Variants in ADAMTSL1 observed in about 807,000 individuals in gnomAD.
The protein encoded by ADAMTSL1 is ADAMTS-like protein 1.
Under a neutral mutation model 201.8 loss-of-function variants are expected in ADAMTSL1, and 126 were observed. The ratio of observed to expected loss-of-function variants is 0.62; its 90% CI spans 0.54 to 0.72. ADAMTSL1 has a LOEUF of 0.72. ADAMTSL1 is among the 30% of genes least tolerant of loss of function. The probability of loss-of-function intolerance (pLI) is 0.00; values close to 1 mark genes in which losing one functional copy is unlikely to be tolerated. For missense variants in ADAMTSL1, 2,679 were observed against 2,277.8 expected, an observed-to-expected ratio of 1.18 and a Z score of -3.59; for synonymous variants, 1,121 against 903.4, an observed-to-expected ratio of 1.24 and a Z score of -4.32.
rs567371462 is a variant in ADAMTSL1, at chr9:18,788,639, A to C, written c.3678-6758A>C. On this transcript the variant is annotated intron_variant, in intron 19 of 28. Coordinates refer to ENST00000380548, the MANE Select transcript of ADAMTSL1 (RefSeq NM_001040272.6). ...TATACATTTGCCTATAAATACTAGC[A>C]CCCGCTCCCGCTTTGTGGTAGATTC... 2.0e-5 allele frequency among the ~76,000 whole-genome samples: 3 copies of C among 152,126 alleles called. No homozygotes were observed. The South Asian group carries it at 6.2e-4, about 32-fold the overall frequency.
At position 18,347,701 on chromosome 9, in the gene ADAMTSL1, T is replaced by A. The variant is rs147703764; in HGVS notation, c.208-157128T>A. ...GCATGTCCTAGAATATTGAACTATT[T>A]GGGGTTTTCAGGCCTTTTTGCTCAT... On this transcript the variant is annotated intron_variant, in intron 2 of 29. Coordinates refer to the ADAMTSL1 transcript ENST00000680146. Among the ~76,000 whole-genome samples, 881 of 152,280 alleles carry A rather than the reference T, an allele frequency of 5.8e-3. 6 individuals are homozygous for A. Among genetic ancestry groups the A allele is most frequent in the African/African-American group, 0.02 (842 of 41,566 alleles).
At chr9:18,789,530 GTATT>G (rs1316778225) in intron 19 of ADAMTSL1, among the ~76,000 whole-genome samples, 1 of 152,126 alleles carries the variant, frequency 6.6e-6, no homozygotes, top group African/African-American at 2.4e-5. Context: ...AACCAAATGA[GTATT>G]TATTATGTAT....
intron 4 of ADAMTSL1, among the ~76,000 whole-genome samples, chr9:18,575,434 C>G (rs1233688150): frequency 6.6e-6 from 1 of 152,078 alleles, no homozygotes; most frequent in Non-Finnish European, 1.5e-5. Flanking sequence ...TGGAATTTTA[C>G]TATTTTAAAG....
chr9:18,037,519 G>T (rs1821251630), intron 1 of ADAMTSL1, among the ~76,000 whole-genome samples: 1 of 152,024 alleles, frequency 6.6e-6, no homozygotes. Context: ...ACTTCTTTCT[G>T]TAGTATATTA....
chr9:18,351,983 G>T (rs1397472501), intron 2 of ADAMTSL1, among the ~76,000 whole-genome samples: 2 of 152,118 alleles, frequency 1.3e-5, no homozygotes, highest in Non-Finnish European at 2.9e-5. Flanking sequence ...TCCGTAATTT[G>T]TAGCTTCTTT....
chr9:18,890,833 C>T (rs1829211643), intron 25 of ADAMTSL1: 2 of 314,950 alleles, frequency 6.4e-6, no homozygotes, highest in Non-Finnish European at 1.2e-5. Context: ...GAAAACTGCC[C>T]TTGCCAAGCT....
At chr9:18,361,350 T>C (rs1299728374) in intron 2 of ADAMTSL1, among the ~76,000 whole-genome samples, 1 of 152,354 alleles carries the variant, frequency 6.6e-6, no homozygotes, top group African/African-American at 2.4e-5. Context: ...TGTATTTCTT[T>C]TTAGTGTATT....
chr9:18,105,865 GC>G (rs1299090685), intron 1 of ADAMTSL1, among the ~76,000 whole-genome samples: 1 of 152,070 alleles, frequency 6.6e-6, no homozygotes, highest in Non-Finnish European at 1.5e-5. Flanking sequence ...AAAAACACAG[GC>G]CCACTGCACC....
chr9:18,099,286 G>A (rs186888527), intron 1 of ADAMTSL1, among the ~76,000 whole-genome samples: 5 of 135,590 alleles, frequency 3.7e-5, no homozygotes, highest in African/African-American at 8.4e-5. Flanking sequence ...TTTCTTTCCC[G>A]AGTAAGTCAC....
At chr9:18,638,611 GT>G (rs201577404) in intron 6 of ADAMTSL1, among the ~76,000 whole-genome samples, 44 of 151,828 alleles carry the variant, frequency 2.9e-4, no homozygotes, top group African/African-American at 9.7e-4. Flanking sequence ...AGAAATCAAG[GT>G]TTTTTTTCTA....
chr9:18,824,106 GTTC>G (rs1265494901), intron 21 of ADAMTSL1, among the ~76,000 whole-genome samples: 7 of 152,086 alleles, frequency 4.6e-5, no homozygotes, highest in African/African-American at 1.7e-4. Flanking sequence ...ATTTTTCCTT[GTTC>G]TTTCAGGAGA....
intron 2 of ADAMTSL1, among the ~76,000 whole-genome samples, chr9:18,382,623 AT>A (rs1837604581): frequency 6.6e-6 from 1 of 152,138 alleles, no homozygotes; most frequent in South Asian, 2.1e-4. Context: ...CAAAGGAGCC[AT>A]AAAATCCAGA....
chr9:18,300,454 C>T (rs547200792), intron 2 of ADAMTSL1, among the ~76,000 whole-genome samples: 1 of 150,148 alleles, frequency 6.7e-6, no homozygotes, highest in Non-Finnish European at 1.5e-5. Context: ...CACACTGGGG[C>T]CTGTCAGGGG....
chr9:18,746,718 G>A (rs1436282794), intron 15 of ADAMTSL1, among the ~76,000 whole-genome samples: 1 of 148,814 alleles, frequency 6.7e-6, no homozygotes, highest in Non-Finnish European at 1.5e-5. Context: ...CTCTCTGAAA[G>A]AGCAGAGGAG....
intron 13 of ADAMTSL1, among the ~76,000 whole-genome samples, chr9:18,701,364 C>T (rs1338735305): frequency 6.6e-6 from 1 of 151,946 alleles, no homozygotes; most frequent in African/African-American, 2.4e-5. Context: ...GGATCACAGG[C>T]TCACACCACC....
intron 2 of ADAMTSL1, among the ~76,000 whole-genome samples, chr9:18,165,866 G>A (rs1827604924): frequency 6.6e-6 from 1 of 151,864 alleles, no homozygotes. Context: ...ATGAATCGCC[G>A]TAATCTCCGT....
At chr9:18,894,450 G>A (rs375966020) in intron 26 of ADAMTSL1, among the ~76,000 whole-genome samples, 15 of 150,680 alleles carry the variant, frequency 1.0e-4, no homozygotes, top group African/African-American at 2.7e-4. Flanking sequence ...GAGCAATTAT[G>A]GTGATGAGAA....
intron 2 of ADAMTSL1, among the ~76,000 whole-genome samples, chr9:18,239,585 A>G (rs55767089): frequency 0.033 from 5,088 of 151,998 alleles, 129 homozygotes; most frequent in Non-Finnish European, 0.054. Context: ...CTGAAAATAG[A>G]AAAAAACAAA....
chr9:18,621,420 T>A (rs1412513910), intron 4 of ADAMTSL1, among the ~76,000 whole-genome samples: 3 of 152,112 alleles, frequency 2.0e-5, no homozygotes, highest in Admixed American at 2.0e-4. Context: ...AACTATAGAA[T>A]GGAGATATCT....
Sources: allele counts gnomAD v4.1 joint callset (sites outside exome capture counted in the v4.1 genomes callset), GRCh38; gene constraint gnomAD v4.1.1; transcripts MANE v1.5; gene names NCBI Gene and HGNC (gene_info 2026-07-23, HGNC 2026-07-21).